The following MCM4 variants were observed in gnomAD, a reference collection of about 807,000 sequenced individuals.
MCM4 encodes the protein minichromosome maintenance complex component 4.
In MCM4, 60 loss-of-function variants were observed where a neutral mutation model predicts 88.7. The observed-to-expected ratio is 0.68, with a 90% CI of 0.55 to 0.84. MCM4 has a LOEUF of 0.84. Ranked by LOEUF, MCM4 falls within the 40% of genes least tolerant of loss-of-function variation. MCM4 has a pLI of 0.00. For synonymous variants in MCM4, 465 were observed against 410.5 expected, an observed-to-expected ratio of 1.13 and a Z score of -1.61; for missense variants, 1,149 against 1,105.5, an observed-to-expected ratio of 1.04 and a Z score of -0.56.
chr8:47,964,629 C>G lies in MCM4; in HGVS notation c.749C>G (p.Pro250Arg), dbSNP rs1417963822. Residue 250 changes from proline (P) to arginine (R), a missense_variant, in exon 8 of 17, where the codon CCT (proline) becomes CGT (arginine). Around this residue, in one of 3 missense-constraint regions of MCM4, gnomAD observed 906 missense variants for 843.0 expected, o/e 1.07. Coordinates refer to ENST00000649973, the MANE Select transcript of MCM4 (RefSeq NM_182746.3). ...AVNEIFFDRY[P>R]DSILEHQIQV... ...AATGAAATCTTCTTTGACCGTTACC[C>G]TGACTCAATCTTAGAACATCAGATT... 1.9e-6 allele frequency: 3 copies of G among 1,606,982 alleles called. No individual in the cohort carries two copies. The highest frequency in any genetic ancestry group is 2.5e-6 in the Non-Finnish European group (3 of 1,178,252).
intron 14 of MCM4, 39 bp downstream of exon 14, chr8:47,973,103 C>T (rs894549459): frequency 3.2e-6 from 5 of 1,542,224 alleles, no homozygotes; most frequent in Non-Finnish European, 4.4e-6. Context: ...GCCTGTAGCC[C>T]ACAGCATTAA....
At chr8:47,975,682 A>G (rs1589835090) in intron 15 of MCM4, 33 bp from the exon 16 acceptor site, 1 of 1,483,006 alleles carries the variant, frequency 6.7e-7, no homozygotes, top group Non-Finnish European at 8.9e-7. Context: ...TCATAATAGC[A>G]AAAATGTTTT....
intron 8 of MCM4, 57 bp from the exon 9 acceptor site, chr8:47,966,130 A>G (rs1001825418): frequency 1.9e-5 from 27 of 1,427,320 alleles, no homozygotes; most frequent in African/African-American, 5.6e-5. Flanking sequence ...GATCCCAGCT[A>G]TTCCTGGACC....
In MCM4 at chr8:47,969,726, C is replaced by T. The variant is rs1316110083; in HGVS notation, c.1175-72C>T. 2.1e-5 allele frequency: 32 copies of T among 1,532,268 alleles called. No homozygotes were observed. In the Admixed American group the frequency reaches 5.4e-4, roughly 26 times the overall value. The allele number at this position is 1,532,268 out of a possible 1,614,324, so 94.9% of individuals were successfully genotyped here. On this transcript the variant is annotated intron_variant, in intron 10 of 16. Transcript: ENST00000649973. ...CCTCGCTCTGAAGTGCACCTGTTGCCTACGCTGGTTGCTGAGCCACTCGGA... is the reference window on the plus strand; with the variant it reads ...CCTCGCTCTGAAGTGCACCTGTTGCTTACGCTGGTTGCTGAGCCACTCGGA...
Position 47,974,742 on chromosome 8 carries a change from A to G in MCM4, c.2145A>G (p.Val715=). ...EASQALIEAY[V]DMRKIGSSRG... Reference sequence around the variant, plus strand: ...TTTTCTACCTACAATAGGCTTATGTAGACATGAGGAAGATTGGCAGTAGCC... The same window carrying G: ...TTTTCTACCTACAATAGGCTTATGTGGACATGAGGAAGATTGGCAGTAGCC... Residue 715 remains valine (V), a synonymous_variant, in exon 15 of 17, where the codon GTA becomes GTG. Coordinates refer to ENST00000649973, the MANE Select transcript of MCM4 (RefSeq NM_182746.3). 1.9e-6 allele frequency: 3 copies of G among 1,613,844 alleles called. No homozygotes were observed. Among genetic ancestry groups the G allele is most frequent in the South Asian group, 1.1e-5 (1 of 91,074 alleles).
intron 16 of MCM4, among the ~76,000 whole-genome samples, chr8:47,976,139 A>G (rs2090998724): frequency 6.6e-6 from 1 of 152,046 alleles, no homozygotes. Flanking sequence ...TTAAAAATAC[A>G]AAAATTAGCT....
At chr8:47,971,912 A>AG (rs1298797989) in intron 13 of MCM4, among the ~76,000 whole-genome samples, 1 of 152,040 alleles carries the variant, frequency 6.6e-6, no homozygotes, top group Non-Finnish European at 1.5e-5. Context: ...TCCCAAAAAA[A>AG]CAGTTGAATG....
chr8:47,962,511 T>C (rs1430664819), intron 5 of MCM4, 105 bp downstream of exon 5: 1 of 1,155,858 alleles, frequency 8.7e-7, no homozygotes, highest in Non-Finnish European at 1.3e-6. Context: ...GGGCCACCTG[T>C]GGTGGCTCAC....
At chr8:47,974,655 AGT>A in intron 14 of MCM4, 77 bp from the exon 15 acceptor site, 1 of 1,083,164 alleles carries the variant, frequency 9.2e-7, no homozygotes, top group Non-Finnish European at 1.4e-6. Context: ...TGGAAGCCTA[AGT>A]GTTCAAAATT....
intron 5 of MCM4, 38 bp from the exon 6 acceptor site, chr8:47,962,726 A>G: frequency 8.0e-7 from 1 of 1,244,260 alleles, no homozygotes. Flanking sequence ...CTGTTCCCAA[A>G]TGCTATATGC....
Position 47,970,645 on chromosome 8 carries a change from G to T in MCM4, c.1569G>T (p.Val523=), listed in dbSNP as rs765660789. 1 of 1,614,050 alleles carries T rather than the reference G, an allele frequency of 6.2e-7. No homozygotes were observed. Among genetic ancestry groups the T allele is most frequent in the Non-Finnish European group, 8.5e-7 (1 of 1,180,056 alleles). ...GCAAGTCCCAGCTGCTGCAGTACGT[G>T]TACAACCTCGTCCCCAGGGGCCAGT... is the stretch of plus-strand genomic sequence containing the variant. ...GTSKSQLLQY[V]YNLVPRGQYT... Residue 523 remains valine (V), a synonymous_variant, in exon 12 of 17, where the codon GTG becomes GTT. Coordinates refer to ENST00000649973, the MANE Select transcript of MCM4 (RefSeq NM_182746.3).
intron 14 of MCM4, chr8:47,974,482 TCCAAGAATTCTTC>T (rs1452708678): frequency 2.2e-6 from 1 of 451,886 alleles, no homozygotes; most frequent in African/African-American, 2.0e-5. Context: ...TGCCACCCTC[TCCAAGAATTCTTC>T]CCAAGCATCT....
chr8:47,960,986 C>A lies in MCM4; in HGVS notation c.-43C>A. The stretch of plus-strand genomic sequence containing the variant: ...GCCAGGTGGACTCGGAGTCCGCGAG[C>A]GTCGTCGGCAAGCGGCCGCCTTTCC... On this transcript the variant is annotated 5_prime_UTR_variant, in exon 1 of 17. Transcript: ENST00000649973. The A allele has an allele frequency of 2.9e-6, 2 of 688,136 alleles. No homozygotes were observed. The highest frequency in any genetic ancestry group is 4.4e-6 in the Non-Finnish European group (2 of 453,972). 42.6% of individuals were successfully genotyped at this position (688,136 alleles called of 1,614,324 possible). A position where few individuals can be genotyped will look rare whatever the true frequency, so the allele number is the denominator to read the frequency against.
chr8:47,966,024 G>T (rs541703537), intron 8 of MCM4, among the ~76,000 whole-genome samples, 163 bp from the exon 9 acceptor site: 15 of 152,124 alleles, frequency 9.9e-5, no homozygotes, highest in Non-Finnish European at 2.2e-4. Context: ...CCAGAGGTTC[G>T]CTGGGCTTGA....
At chr8:47,967,288 G>A (rs2090908299) in intron 9 of MCM4, 77 bp from the exon 10 acceptor site, 3 of 1,548,556 alleles carry the variant, frequency 1.9e-6, no homozygotes, top group South Asian at 2.4e-5. Flanking sequence ...TATGGCAAAA[G>A]CAGTACAAAG....
chr8:47,967,607 TTGAGAC>T, intron 10 of MCM4, 122 bp downstream of exon 10: 1 of 1,288,376 alleles, frequency 7.8e-7, no homozygotes, highest in Non-Finnish European at 1.1e-6. Context: ...CTGCTTGTCT[TTGAGAC>T]TGTGGGGTAT....
intron 2 of MCM4, 47 bp from the exon 3 acceptor site, chr8:47,961,469 C>G (rs375425601): frequency 6.2e-7 from 1 of 1,612,440 alleles, no homozygotes; most frequent in Non-Finnish European, 8.5e-7. Flanking sequence ...CCAGGAAGGC[C>G]GGCCCTGAAA....
chr8:47,968,775 A>T lies in MCM4; in HGVS notation c.1175-1023A>T, dbSNP rs569229875. Among the ~76,000 whole-genome samples the T allele has an allele frequency of 2.9e-3, 440 of 152,342 alleles. 3 individuals carry two copies. The highest frequency in any genetic ancestry group is 0.01 in the African/African-American group (431 of 41,584). ...GAGATAGCTGTAACGGGGAAAGGCC[A>T]GGCTTTCTCCAAAAGCTGCAGGAAT... On this transcript the variant is annotated intron_variant, in intron 10 of 16. Transcript: ENST00000649973.
chr8:47,965,434 T>C (rs946456615), intron 8 of MCM4, among the ~76,000 whole-genome samples: 17 of 152,118 alleles, frequency 1.1e-4, no homozygotes, highest in Admixed American at 1.1e-3. Context: ...TGCACCACTG[T>C]ACTCCAGTCT....
Sources: gnomAD v4.1 joint callset for allele counts (sites outside exome capture counted in the v4.1 genomes callset) on GRCh38, gnomAD v4.1.1 for gene constraint, gnomAD v4.1.1 regional missense constraint, MANE v1.5 for transcripts, NCBI Gene and HGNC (gene_info 2026-07-23, HGNC 2026-07-21) for gene names.